COL9A1: variants seen among roughly 807,000 people sequenced by gnomAD.
The protein encoded by COL9A1 is collagen type IX alpha 1 chain, also known as collagen alpha-1(IX) chain.
A neutral mutation model predicts 142.6 loss-of-function variants in COL9A1; 104 were observed. The observed-to-expected ratio is 0.73, with a 90% CI of 0.62 to 0.86. The LOEUF is 0.86. COL9A1 is among the 40% of genes least tolerant of loss of function. The pLI, the probability that COL9A1 is intolerant of heterozygous loss-of-function variation, is 0.00. For synonymous variants in COL9A1, 466 were observed against 396.0 expected, an observed-to-expected ratio of 1.18 and a Z score of -2.10; for missense variants, 1,210 against 1,176.6, an observed-to-expected ratio of 1.03 and a Z score of -0.42.
chr6:70,220,258 GAGTT>G (rs1431363334), intron 37 of COL9A1, among the ~76,000 whole-genome samples: 4 of 152,058 alleles, frequency 2.6e-5, no homozygotes, highest in Non-Finnish European at 4.4e-5. Flanking sequence ...CATAAACTGA[GAGTT>G]AGGAAGGTCA....
intron 25 of COL9A1, 27 bp from the exon 26 acceptor site, chr6:70,253,456 T>C (rs1227068424): frequency 6.5e-7 from 1 of 1,534,158 alleles, no homozygotes; most frequent in Admixed American, 1.7e-5. Context: ...ACAATCCTAG[T>C]TTAATCACCT....
intron 35 of COL9A1, 75 bp from the exon 36 acceptor site, chr6:70,232,846 C>A: frequency 7.0e-7 from 1 of 1,433,298 alleles, no homozygotes; most frequent in Non-Finnish European, 9.6e-7. Context: ...AGAGGTATTC[C>A]AAATGCCTTT....
At position 70,256,752 on chromosome 6, in the gene COL9A1, A is replaced by G. The variant is rs1225705408; in HGVS notation, c.1503+16T>C. 1 of 1,612,284 alleles carries G rather than the reference A, an allele frequency of 6.2e-7. No homozygotes were observed. Among genetic ancestry groups the G allele is most frequent in the African/African-American group, 1.3e-5 (1 of 74,818 alleles). ...AAAAATCTATCATTGGGTTTTGTGG[A>G]AGGAAAATCACTTACAGGTGCACCA... On this transcript the variant is annotated intron_variant, in intron 21 of 37. Transcript: ENST00000357250.
At chr6:70,241,593 C>T in intron 30 of COL9A1, 139 bp from the exon 31 acceptor site, 2 of 748,020 alleles carry the variant, frequency 2.7e-6, no homozygotes, top group Admixed American at 2.2e-5. Flanking sequence ...CACCACCCAA[C>T]AAGAATCAGG....
At chr6:70,274,957 G>A (rs1772660917) in intron 10 of COL9A1, 185 bp from the exon 11 acceptor site, 1 of 592,956 alleles carries the variant, frequency 1.7e-6, no homozygotes, top group Non-Finnish European at 3.0e-6. Context: ...AGATCTGCCT[G>A]TTGTGATTAT....
intron 5 of COL9A1, among the ~76,000 whole-genome samples, chr6:70,291,332 AGAT>A (rs1476072897): frequency 6.6e-6 from 1 of 152,168 alleles, no homozygotes; most frequent in Non-Finnish European, 1.5e-5. Context: ...GTCTTCTCCT[AGAT>A]GATGTTTTCA....
intron 33 of COL9A1, among the ~76,000 whole-genome samples, chr6:70,236,910 C>T (rs1769946042): frequency 6.6e-6 from 1 of 152,098 alleles, no homozygotes; most frequent in Non-Finnish European, 1.5e-5. Flanking sequence ...CAACCTCCAC[C>T]TCCCAGGTTC....
Position 70,286,078 on chromosome 6 carries a change from G to A in COL9A1, c.697-2258C>T, listed in dbSNP as rs144919904. 1.1e-3 allele frequency among the ~76,000 whole-genome samples: 174 copies of A among 152,098 alleles called. 1 individual carries two copies. In the East Asian group the frequency reaches 0.028, roughly 25 times the overall value. On this transcript the variant is annotated intron_variant, in intron 5 of 37. Coordinates refer to ENST00000357250, the MANE Select transcript of COL9A1 (RefSeq NM_001851.6). ...TAATTTTTGTATATTTAGTAGAGAC[G>A]GGATTTCACCATGTTGGCCAGGATG...
intron 37 of COL9A1, among the ~76,000 whole-genome samples, chr6:70,222,353 G>A (rs1768933991): frequency 1.3e-5 from 2 of 152,264 alleles, no homozygotes; most frequent in South Asian, 4.2e-4. Flanking sequence ...GCACTTCAAG[G>A]TAAAAGAATA....
chr6:70,297,067 G>T (rs1773873089), intron 4 of COL9A1, among the ~76,000 whole-genome samples: 1 of 152,050 alleles, frequency 6.6e-6, no homozygotes, highest in South Asian at 2.1e-4. Context: ...AATACAACCT[G>T]AAGTTAACTG....
At position 70,232,773 on chromosome 6, in the gene COL9A1, TA is replaced by T; in HGVS notation, c.2315-3del. ...TGGCAGCCATCTCAGCAAAATGTTC[TA>T]AAAGAGAATAAACAAAACAACCCAG... is the stretch of plus-strand genomic sequence containing the variant. On this transcript the variant is annotated splice_polypyrimidine_tract_variant and splice_region_variant and intron_variant, in intron 35 of 37. Coordinates refer to ENST00000357250, the MANE Select transcript of COL9A1 (RefSeq NM_001851.6). The T allele has an allele frequency of 6.2e-7, 1 of 1,607,832 alleles. No homozygotes were observed. Among genetic ancestry groups the T allele is most frequent in the Non-Finnish European group, 8.5e-7 (1 of 1,176,546 alleles).
At position 70,273,776 on chromosome 6, in the gene COL9A1, G is replaced by A. The variant is rs7754619; in HGVS notation, c.1065+271C>T. ...AGGTAAAGAGGGAATTGTCTGCTGG[G>A]AAATACCACCTGCAAATAGAATATA... is the stretch of plus-strand genomic sequence containing the variant. On this transcript the variant is annotated intron_variant, in intron 12 of 37. Coordinates refer to ENST00000357250, the MANE Select transcript of COL9A1 (RefSeq NM_001851.6). 0.39 allele frequency among the ~76,000 whole-genome samples: 59,196 copies of A among 151,828 alleles called. 11,962 individuals carry two copies. Among genetic ancestry groups the A allele is most frequent in the African/African-American group, 0.48 (19,664 of 41,380 alleles).
At chr6:70,247,354 A>G (rs35970582) in intron 28 of COL9A1, among the ~76,000 whole-genome samples, 23,541 of 152,280 alleles carry the variant, frequency 0.15, 2,095 homozygotes, top group Non-Finnish European at 0.21. Context: ...ACAAAAAATA[A>G]CAGATTTAAC....
chr6:70,283,605 C>G (rs1287786525), intron 6 of COL9A1, 132 bp downstream of exon 6: 12 of 773,380 alleles, frequency 1.6e-5, no homozygotes, highest in Non-Finnish European at 2.8e-5. Context: ...GTCAGTACAG[C>G]AAAGCACAGG....
At chr6:70,278,088 CAT>C (rs1772887256) in intron 10 of COL9A1, among the ~76,000 whole-genome samples, 1 of 152,288 alleles carries the variant, frequency 6.6e-6, no homozygotes, top group Non-Finnish European at 1.5e-5. Context: ...CCAGATGCCT[CAT>C]GTGGCTTAAA....
rs1554241916 is a variant in COL9A1, at chr6:70,267,327, G to GTTTTTGTTTTT, written c.1288-558_1288-557insAAAAACAAAAA. ...TTGTTGTTGTTTGTTTGGTTTTTTTGTTTTTTTTTTTTGAGATGGAGCTTC... is the reference window on the plus strand; with the variant it reads ...TTGTTGTTGTTTGTTTGGTTTTTTTGTTTTTGTTTTTTTTTTTTTTTTTGAGATGGAGCTTC... On this transcript the variant is annotated intron_variant, in intron 17 of 37. Transcript: ENST00000357250. 3.1e-5 allele frequency among the ~76,000 whole-genome samples: 4 copies of GTTTTTGTTTTT among 127,030 alleles called. 1 individual carries two copies. The highest frequency in any genetic ancestry group is 5.0e-5 in the Non-Finnish European group (3 of 60,138). The allele number at this position is 127,030 out of a possible 152,430, so 83.3% of individuals were successfully genotyped here.
At chr6:70,235,623 G>T (rs1769858199) in intron 33 of COL9A1, among the ~76,000 whole-genome samples, 1 of 152,164 alleles carries the variant, frequency 6.6e-6, no homozygotes, top group African/African-American at 2.4e-5. Context: ...CTACATAAAA[G>T]CCCCTGCATT....
chr6:70,279,811 T>A (rs997117266), intron 10 of COL9A1: 1 of 489,764 alleles, frequency 2.0e-6, no homozygotes, highest in African/African-American at 1.9e-5. Context: ...GAAGGATATG[T>A]CTTAAACTGT....
Position 70,256,765 on chromosome 6 carries a change from T to C in COL9A1, c.1503+3A>G. ...TGGGTTTTGTGGAAGGAAAATCACTTACAGGTGCACCAGGAAGACCCTGAG... is the reference window on the plus strand; with the variant it reads ...TGGGTTTTGTGGAAGGAAAATCACTCACAGGTGCACCAGGAAGACCCTGAG... On this transcript the variant is annotated splice_donor_region_variant and intron_variant, in intron 21 of 37. Coordinates refer to ENST00000357250, the MANE Select transcript of COL9A1 (RefSeq NM_001851.6). 1 of 1,611,580 alleles carries C rather than the reference T, an allele frequency of 6.2e-7. No homozygotes were observed. The highest frequency in any genetic ancestry group is 2.2e-5 in the East Asian group (1 of 44,830).
Sources: allele counts gnomAD v4.1 joint callset (sites outside exome capture counted in the v4.1 genomes callset), GRCh38; gene constraint gnomAD v4.1.1; transcripts MANE v1.5; gene names NCBI Gene and HGNC (gene_info 2026-07-23, HGNC 2026-07-21).